Variants in ADGRV1 observed in about 807,000 individuals in gnomAD.
ADGRV1 encodes G-protein coupled receptor 98.
ADGRV1 carries 359 observed loss-of-function variants against 596.2 expected under a neutral mutation model. The observed-to-expected ratio is 0.60, with a 90% CI of 0.55 to 0.66. The LOEUF is 0.66. Among genes scored for constraint, ADGRV1 ranks in the 30% least tolerant of loss-of-function variants. The pLI is 0.00. For missense variants in ADGRV1, 7,274 were observed against 7,575.6 expected (o/e 0.96, Z 1.48); for synonymous variants, 2,681 against 2,679.2 (o/e 1.00, Z -0.02).
At chr5:90,698,357 T>C (rs1471509028) in intron 34 of ADGRV1, among the ~76,000 whole-genome samples, 1 of 152,144 alleles carries the variant, frequency 6.6e-6, no homozygotes, top group Non-Finnish European at 1.5e-5. Context: ...TATAATTGTA[T>C]ACACCAGATT....
chr5:91,152,698 T>C (rs1231614230), intron 88 of ADGRV1, among the ~76,000 whole-genome samples: 1 of 152,134 alleles, frequency 6.6e-6, no homozygotes, highest in Non-Finnish European at 1.5e-5. Flanking sequence ...ACAGGATGTC[T>C]CTCTGTCACC....
chr5:90,673,024 C>A (rs914331510), intron 22 of ADGRV1: 66 of 289,234 alleles, frequency 2.3e-4, no homozygotes, highest in Non-Finnish European at 6.3e-5. Flanking sequence ...CATGTCTAAC[C>A]CCAGCATACT....
At chr5:90,800,170 A>G (rs1365074492) in intron 70 of ADGRV1, among the ~76,000 whole-genome samples, 1 of 152,202 alleles carries the variant, frequency 6.6e-6, no homozygotes, top group African/African-American at 2.4e-5. Context: ...AATTTTTGCA[A>G]TCTATCCATC....
chr5:90,874,779 A>G lies in ADGRV1; in HGVS notation c.17856+10922A>G, dbSNP rs368946514. ...AGGCTGAGGCAGGCGAATGGCGTGA[A>G]CCCAGGAGGCGGAGCTTGCAGTGAG... On this transcript the variant is annotated intron_variant, in intron 83 of 89. Transcript: ENST00000405460. 2.0e-3 allele frequency among the ~76,000 whole-genome samples: 300 copies of G among 151,948 alleles called. 1 individual carries two copies. Among genetic ancestry groups the G allele is most frequent in the African/African-American group, 6.7e-3 (277 of 41,428 alleles).
At chr5:90,615,112 G>A in intron 2 of ADGRV1, 93 bp downstream of exon 2, 1 of 763,040 alleles carries the variant, frequency 1.3e-6, no homozygotes, top group Non-Finnish European at 2.0e-6. Context: ...TTGAGATTTT[G>A]AGCAGTTTCA....
intron 89 of ADGRV1, among the ~76,000 whole-genome samples, chr5:91,159,448 T>TA (rs1796758362): frequency 6.6e-6 from 1 of 152,216 alleles, no homozygotes; most frequent in African/African-American, 2.4e-5. Context: ...CCCTGGCCCA[T>TA]AAAACAGTCA....
chr5:90,744,756 A>G (rs1201606912), intron 50 of ADGRV1, among the ~76,000 whole-genome samples: 1 of 152,224 alleles, frequency 6.6e-6, no homozygotes, highest in Non-Finnish European at 1.5e-5. Context: ...TCTAATAAAT[A>G]TTAAGATGAA....
At chr5:91,051,351 T>G (rs1476919649) in intron 85 of ADGRV1, among the ~76,000 whole-genome samples, 3 of 152,160 alleles carry the variant, frequency 2.0e-5, no homozygotes, top group Non-Finnish European at 4.4e-5. Context: ...ACAATCATTC[T>G]TTCACTTTCA....
rs79952480 is a variant in ADGRV1 at position 91,054,387 on chromosome 5, T to G, written c.18153-18060T>G. Among the ~76,000 whole-genome samples the G allele has an allele frequency of 7.7e-3, 1,172 of 152,280 alleles. 12 individuals are homozygous for G. Among genetic ancestry groups the G allele is most frequent in the African/African-American group, 0.025 (1,049 of 41,548 alleles). On this transcript the variant is annotated intron_variant, in intron 85 of 89. Coordinates refer to ENST00000405460, the MANE Select transcript of ADGRV1 (RefSeq NM_032119.4). ...AGCATAAAAAAGATCTAGTCCCTCT[T>G]TGCTGAAGAGGAAAGTATGGGGCAA... is the stretch of plus-strand genomic sequence containing the variant.
intron 85 of ADGRV1, among the ~76,000 whole-genome samples, chr5:90,992,861 C>CT (rs1355039758): frequency 9.9e-5 from 15 of 152,010 alleles, no homozygotes; most frequent in Admixed American, 9.2e-4. Context: ...TATGTCAATT[C>CT]TTTTTACTTT....
chr5:90,899,028 T>C (rs1771588744), intron 83 of ADGRV1, among the ~76,000 whole-genome samples: 1 of 152,194 alleles, frequency 6.6e-6, no homozygotes. Context: ...GTGGCACTCA[T>C]TCTTGGAAAT....
chr5:90,728,600 A>ACCAG, intron 48 of ADGRV1, 69 bp from the exon 49 acceptor site: 1 of 1,230,464 alleles, frequency 8.1e-7, no homozygotes, highest in Non-Finnish European at 1.2e-6. Flanking sequence ...AACATATGGT[A>ACCAG]TTGATTACAT....
At chr5:90,675,164 G>A in intron 23 of ADGRV1, 79 bp from the exon 24 acceptor site, 2 of 1,251,690 alleles carry the variant, frequency 1.6e-6, no homozygotes, top group Non-Finnish European at 2.2e-6. Flanking sequence ...CAAAATAATT[G>A]TGTAAGATCG....
At chr5:90,636,731 T>C (rs1316135927) in intron 10 of ADGRV1, among the ~76,000 whole-genome samples, 1 of 151,996 alleles carries the variant, frequency 6.6e-6, no homozygotes, top group Non-Finnish European at 1.5e-5. Context: ...CTTTGCTCAC[T>C]AGTCTCAGGT....
At chr5:90,793,832 TG>T (rs1760355072) in intron 70 of ADGRV1, among the ~76,000 whole-genome samples, 2 of 152,222 alleles carry the variant, frequency 1.3e-5, no homozygotes, top group South Asian at 4.1e-4. Context: ...CCCTCTTTTT[TG>T]GTCACTTTAA....
intron 84 of ADGRV1, among the ~76,000 whole-genome samples, chr5:90,982,838 T>G (rs1434849083): frequency 6.6e-6 from 1 of 152,024 alleles, no homozygotes. Flanking sequence ...CTGCATGTGG[T>G]GGGAGGAGGG....
chr5:90,961,213 A>G (rs1777975805), intron 83 of ADGRV1, among the ~76,000 whole-genome samples: 1 of 152,040 alleles, frequency 6.6e-6, no homozygotes, highest in Admixed American at 6.5e-5. Flanking sequence ...AAAACTGACT[A>G]GTTTTGGCCG....
chr5:91,023,618 A>G (rs183018309), intron 85 of ADGRV1, among the ~76,000 whole-genome samples: 46 of 152,170 alleles, frequency 3.0e-4, no homozygotes, highest in Admixed American at 2.9e-3. Flanking sequence ...ATCCCCATCC[A>G]TGGTTTCTAT....
intron 86 of ADGRV1, among the ~76,000 whole-genome samples, chr5:91,077,578 C>A (rs2126476351): frequency 6.6e-6 from 1 of 152,266 alleles, no homozygotes; most frequent in African/African-American, 2.4e-5. Context: ...CTATAGATGC[C>A]CACTGTCAAC....
Sources: allele counts gnomAD v4.1 joint callset (sites outside exome capture counted in the v4.1 genomes callset), GRCh38; gene constraint gnomAD v4.1.1; transcripts MANE v1.5; gene names NCBI Gene and HGNC (gene_info 2026-07-23, HGNC 2026-07-21).